Variants in TRAF3IP2 observed in about 807,000 individuals in gnomAD.
The protein encoded by TRAF3IP2 is TRAF3 interacting protein 2.
Under a neutral mutation model 57.9 loss-of-function variants are expected in TRAF3IP2, and 35 were observed. That is an observed-to-expected ratio of 0.60 (90% confidence interval 0.46 to 0.80). The LOEUF (loss-of-function observed/expected upper bound fraction) is 0.80. TRAF3IP2 is among the 30% of genes least tolerant of loss of function. TRAF3IP2 has a pLI of 0.00. For missense variants in TRAF3IP2, 556 were observed against 706.4 expected, an observed-to-expected ratio of 0.79 and a Z score of 2.41; for synonymous variants, 251 against 268.9, an observed-to-expected ratio of 0.93 and a Z score of 0.65.
rs1393371271 is a variant in TRAF3IP2 at position 111,605,760 on chromosome 6, A to C, written c.-9+16T>G. 1 of 152,082 alleles carries C rather than the reference A, an allele frequency of 6.6e-6. No individual in the cohort carries two copies. The highest frequency in any genetic ancestry group is 1.5e-5 in the Non-Finnish European group (1 of 68,008). The allele number at this position is 152,082 out of a possible 1,614,324, so 9.4% of individuals were successfully genotyped here. ...AAGAAATAAGACCAGGCAAGTGGCA[A>C]CTCCGAATAACTTACCTTAGATCCA... On this transcript the variant is annotated intron_variant, in intron 1 of 8. Coordinates refer to ENST00000368761, the MANE Select transcript of TRAF3IP2 (RefSeq NM_147686.4).
At chr6:111,597,314 T>C (rs1330236141) in intron 1 of TRAF3IP2, among the ~76,000 whole-genome samples, 1 of 152,116 alleles carries the variant, frequency 6.6e-6, no homozygotes. Flanking sequence ...GCCAGTGTAA[T>C]GGGAGCATCT....
At chr6:111,601,412 C>T (rs1796859169) in intron 1 of TRAF3IP2, 1 of 482,424 alleles carries the variant, frequency 2.1e-6, no homozygotes, top group Admixed American at 3.5e-5. Flanking sequence ...AGAGCACCAA[C>T]AAAGGGTGAT....
At chr6:111,568,164 T>C (rs916880196) in intron 5 of TRAF3IP2, among the ~76,000 whole-genome samples, 1 of 152,346 alleles carries the variant, frequency 6.6e-6, no homozygotes, top group African/African-American at 2.4e-5. Context: ...TATGGTATTA[T>C]GTACAGTTTC....
chr6:111,564,181 C>T (rs1032781863), intron 7 of TRAF3IP2, among the ~76,000 whole-genome samples: 3 of 151,948 alleles, frequency 2.0e-5, no homozygotes, highest in Non-Finnish European at 4.4e-5. Context: ...CACACACACA[C>T]GATCACACAA....
At chr6:111,592,266 A>G (rs1796548958) in intron 1 of TRAF3IP2, among the ~76,000 whole-genome samples, 172 bp from the exon 2 acceptor site, 1 of 152,244 alleles carries the variant, frequency 6.6e-6, no homozygotes, top group Non-Finnish European at 1.5e-5. Context: ...TCCAGGCAAA[A>G]GCACTAATGC....
chr6:111,580,381 C>A lies in TRAF3IP2; in HGVS notation c.838G>T (p.Asp280Tyr). ...SPDHQVPYGHDYPRAAYQQVI... is the reference protein window; with the variant it reads ...SPDHQVPYGHYYPRAAYQQVI... ...TGCTGGTAGGCTGCTCGAGGGTAGT[C>A]ATGGCCATCTGTAGGTGAAGACAAC... Residue 280 changes from aspartate (D) to tyrosine (Y), a missense_variant, in exon 3 of 9, where the codon GAC becomes TAC. Physicochemically the swap from Asp to Tyr is radical, Grantham distance 160. Transcript: ENST00000368761. 1 of 1,551,222 alleles carries A rather than the reference C, an allele frequency of 6.4e-7. No individual in the cohort carries two copies. Among genetic ancestry groups the A allele is most frequent in the South Asian group, 1.2e-5 (1 of 80,134 alleles).
In TRAF3IP2 at chr6:111,559,226, G is replaced by T; in HGVS notation, c.*179C>A. On this transcript the variant is annotated 3_prime_UTR_variant, in exon 9 of 9. Transcript: ENST00000368761. ...GTCACAGACTCCACTTCAAAGCCAG[G>T]GTGTGTGGAGGTCTCCGGGGAAGAG... 1 of 736,630 alleles carries T rather than the reference G, an allele frequency of 1.4e-6. No homozygotes were observed. The highest frequency in any genetic ancestry group is 2.1e-6 in the Non-Finnish European group (1 of 468,992). 45.6% of individuals were successfully genotyped at this position (736,630 alleles called of 1,614,324 possible). A position where few individuals can be genotyped will look rare whatever the true frequency, so the allele number is the denominator to read the frequency against.
In TRAF3IP2 at chr6:111,556,102, CAAAAAA is replaced by C. The variant is rs35454154; in HGVS notation, c.*3297_*3302del. Among the ~76,000 whole-genome samples the C allele has an allele frequency of 8.2e-6, 1 of 122,592 alleles. No individual in the cohort carries two copies. The highest frequency in any genetic ancestry group is 1.7e-5 in the Non-Finnish European group (1 of 57,940). 80.4% of individuals were successfully genotyped at this position (122,592 alleles called of 152,430 possible). A position where few individuals can be genotyped will look rare whatever the true frequency, so the allele number is the denominator to read the frequency against. On this transcript the variant is annotated 3_prime_UTR_variant, in exon 9 of 9. Transcript: ENST00000368761. ...TGGGTGACAGAGCGAGACTACGTCT[CAAAAAA>C]AAAAAAAAAAAAATGCTTTGATGTT...
At chr6:111,597,706 A>G (rs1163623460) in intron 1 of TRAF3IP2, 4 of 377,008 alleles carry the variant, frequency 1.1e-5, no homozygotes, top group African/African-American at 8.4e-5. Context: ...CTGGGTAAGC[A>G]CGAGTGGGCA....
intron 2 of TRAF3IP2, among the ~76,000 whole-genome samples, chr6:111,589,438 C>T (rs934900621): frequency 6.6e-6 from 1 of 152,158 alleles, no homozygotes; most frequent in Non-Finnish European, 1.5e-5. Flanking sequence ...ACAAATTACT[C>T]CTTTTAAACC....
At chr6:111,571,914 CAA>C (rs558813082) in intron 5 of TRAF3IP2, among the ~76,000 whole-genome samples, 16 of 115,958 alleles carry the variant, frequency 1.4e-4, no homozygotes, top group Non-Finnish European at 1.3e-4. Flanking sequence ...GACTCTGTCT[CAA>C]AAAAAAAAAA....
chr6:111,599,147 A>G (rs1174896326), intron 1 of TRAF3IP2, among the ~76,000 whole-genome samples: 3 of 150,464 alleles, frequency 2.0e-5, no homozygotes, highest in Non-Finnish European at 4.4e-5. Flanking sequence ...GGCTCAGGCA[A>G]TCCTTCTGCC....
chr6:111,563,010 G>A lies in TRAF3IP2; in HGVS notation c.1506C>T (p.Ser502=). 1.9e-6 allele frequency: 3 copies of A among 1,613,078 alleles called. No homozygotes were observed. The highest frequency in any genetic ancestry group is 2.5e-6 in the Non-Finnish European group (3 of 1,179,766). ...GCACAGGGATGAATCTGAAATTCAT[G>A]CTTCCTTGTTTTATGAACTCAATCT... ...MMQIEFIKQG[S]MNFRFIPVLF... is the part of the protein sequence containing the mutation. Residue 502 remains serine, a synonymous_variant, in exon 8 of 9, where the codon AGC becomes AGT. Coordinates refer to ENST00000368761, the MANE Select transcript of TRAF3IP2 (RefSeq NM_147686.4).
Position 111,592,057 on chromosome 6 carries a change from A to G in TRAF3IP2, c.30T>C (p.Asp10=), listed in dbSNP as rs1583240809. 6.2e-7 allele frequency: 1 copy of G among 1,614,184 alleles called. No homozygotes were observed. The highest frequency in any genetic ancestry group is 8.5e-7 in the Non-Finnish European group (1 of 1,180,002). Residue 10 remains aspartate, a synonymous_variant, in exon 2 of 9, where the codon GAT becomes GAC. Transcript: ENST00000368761. MNRSIPVEV[D]ESEPYPSQLL... The stretch of plus-strand genomic sequence containing the variant: ...ACTGACTTGGGTATGGTTCTGATTC[A>G]TCAACCTCCACAGGAATGCTTCGGT...
intron 2 of TRAF3IP2, 78 bp from the exon 3 acceptor site, chr6:111,580,467 C>T (rs1217710131): frequency 2.2e-6 from 3 of 1,366,216 alleles, no homozygotes; most frequent in Non-Finnish European, 2.9e-6. Flanking sequence ...AAGCTCCATG[C>T]TCATTTGTGT....
chr6:111,602,828 C>T (rs1232287048), intron 1 of TRAF3IP2, among the ~76,000 whole-genome samples: 1 of 152,134 alleles, frequency 6.6e-6, no homozygotes, highest in East Asian at 1.9e-4. Flanking sequence ...AAGTATCCCT[C>T]ATTGCTGAGG....
At position 111,595,623 on chromosome 6, in the gene TRAF3IP2, T is replaced by A. The variant is rs577243041; in HGVS notation, c.-8-3529A>T. On this transcript the variant is annotated intron_variant, in intron 1 of 8. Transcript: ENST00000368761. ...GGCGGGCAGATCGCAAAGTCAGGAG[T>A]TCGAGACCAGCCTGGCCAACATGGT... Among the ~76,000 whole-genome samples the A allele has an allele frequency of 3.9e-4, 59 of 151,444 alleles. 1 individual carries two copies. Among genetic ancestry groups the A allele is most frequent in the South Asian group, 6.3e-4 (3 of 4,774 alleles).
At chr6:111,575,846 A>C (rs1381727925) in intron 3 of TRAF3IP2, 25 bp from the exon 4 acceptor site, 3 of 1,601,446 alleles carry the variant, frequency 1.9e-6, no homozygotes, top group Non-Finnish European at 1.7e-6. Context: ...ATTTACAGTC[A>C]ATTTTCATTC....
At chr6:111,594,089 C>A (rs1448170863) in intron 1 of TRAF3IP2, among the ~76,000 whole-genome samples, 3 of 140,840 alleles carry the variant, frequency 2.1e-5, no homozygotes, top group Non-Finnish European at 4.5e-5. Flanking sequence ...TGAGATTGCG[C>A]CACTGCATTC....
Sources: gnomAD v4.1 joint callset for allele counts (sites outside exome capture counted in the v4.1 genomes callset) on GRCh38, gnomAD v4.1.1 for gene constraint, MANE v1.5 for transcripts, NCBI Gene and HGNC (gene_info 2026-07-23, HGNC 2026-07-21) for gene names.